MANBA: variants seen among roughly 807,000 people sequenced by gnomAD.
The protein encoded by MANBA is beta-mannosidase.
Under a neutral mutation model 111.1 loss-of-function variants are expected in MANBA, and 83 were observed. The observed-to-expected ratio is 0.75, with a 90% CI of 0.63 to 0.90. The LOEUF is 0.90. MANBA is among the 40% of genes least tolerant of loss of function. MANBA has a pLI of 0.00. For synonymous variants in MANBA, 370 were observed against 378.7 expected (o/e 0.98, Z 0.27); for missense variants, 1,036 against 1,069.0 (o/e 0.97, Z 0.43).
chr4:102,632,700 A>C (rs770519960), intron 16 of MANBA, among the ~76,000 whole-genome samples: 2 of 152,252 alleles, frequency 1.3e-5, no homozygotes, highest in Non-Finnish European at 2.9e-5. Context: ...TCCTGAAAAG[A>C]TCCAGCAATC....
chr4:102,687,680 A>G (rs1436771569), intron 7 of MANBA, among the ~76,000 whole-genome samples: 1 of 152,096 alleles, frequency 6.6e-6, no homozygotes, highest in African/African-American at 2.4e-5. Context: ...CTGCACTTCC[A>G]TGGCACTCTC....
At chr4:102,755,749 T>C (rs1304233892) in intron 1 of MANBA, among the ~76,000 whole-genome samples, 1 of 152,172 alleles carries the variant, frequency 6.6e-6, no homozygotes, top group East Asian at 1.9e-4. Context: ...TAATCCACAA[T>C]CTACAAAGAA....
intron 5 of MANBA, among the ~76,000 whole-genome samples, chr4:102,696,861 A>T (rs1380045172): frequency 6.6e-6 from 1 of 152,180 alleles, no homozygotes; most frequent in Non-Finnish European, 1.5e-5. Context: ...AAGCCATGGA[A>T]TTTATAAATT....
intron 7 of MANBA, among the ~76,000 whole-genome samples, chr4:102,680,659 G>A (rs763392411): frequency 6.6e-6 from 1 of 151,976 alleles, no homozygotes; most frequent in Non-Finnish European, 1.5e-5. Flanking sequence ...TAATTTCCAA[G>A]AGGCTGAAAT....
At chr4:102,653,220 G>GCACACACA (rs71596357) in intron 12 of MANBA, among the ~76,000 whole-genome samples, 6 of 145,510 alleles carry the variant, frequency 4.1e-5, no homozygotes, top group Non-Finnish European at 7.5e-5. Context: ...AGATCTACAT[G>GCACACACA]CACACACACA....
rs1301654392 is a variant in MANBA at position 102,723,849 on chromosome 4, A to C, written c.378+13T>G. Reference sequence around the variant, plus strand: ...CATAAATTTTTTTTAACCTAATGTCATTATATACTTACATATCTATTGAAC... The same window carrying C: ...CATAAATTTTTTTTAACCTAATGTCCTTATATACTTACATATCTATTGAAC... On this transcript the variant is annotated intron_variant, in intron 3 of 16. Transcript: ENST00000647097. 2 of 1,475,594 alleles carry C rather than the reference A, an allele frequency of 1.4e-6. No homozygotes were observed. Among genetic ancestry groups the C allele is most frequent in the Non-Finnish European group, 1.9e-6 (2 of 1,058,152 alleles). The allele number at this position is 1,475,594 out of a possible 1,614,324, so 91.4% of individuals were successfully genotyped here. A position where few individuals can be genotyped will look rare whatever the true frequency, so the allele number is the denominator to read the frequency against.
rs1732471002 is a variant in MANBA at position 102,691,477 on chromosome 4, G to A, written c.674-706C>T. On this transcript the variant is annotated intron_variant, in intron 5 of 16. Transcript: ENST00000647097. ...GACATCAGAAAGCACAGCTAATACA[G>A]AGAGGGTGAAGGAAGGCTTTCTCTC... Among the ~76,000 whole-genome samples the A allele has an allele frequency of 1.3e-5, 2 of 150,832 alleles. 1 individual carries two copies. The highest frequency in any genetic ancestry group is 4.2e-4 in the South Asian group (2 of 4,804).
At chr4:102,677,555 G>GT (rs1214043705) in intron 7 of MANBA, among the ~76,000 whole-genome samples, 1 of 152,142 alleles carries the variant, frequency 6.6e-6, no homozygotes, top group African/African-American at 2.4e-5. Context: ...GAATTTTAAT[G>GT]TAACAGAGAA....
intron 10 of MANBA, chr4:102,666,318 C>T (rs901986678): frequency 6.6e-6 from 1 of 152,218 alleles, no homozygotes; most frequent in African/African-American, 2.4e-5. Context: ...ATGCTTGCAA[C>T]CTGTGTAACT....
chr4:102,740,960 AC>A (rs1723381261), intron 1 of MANBA, among the ~76,000 whole-genome samples: 1 of 152,188 alleles, frequency 6.6e-6, no homozygotes, highest in Non-Finnish European at 1.5e-5. Context: ...GACCTAACTA[AC>A]CTAAAAAGCT....
chr4:102,692,709 A>G (rs1732537272), intron 5 of MANBA, among the ~76,000 whole-genome samples: 1 of 152,112 alleles, frequency 6.6e-6, no homozygotes, highest in Non-Finnish European at 1.5e-5. Context: ...TTAAGTTTCT[A>G]TGATTCGTGG....
chr4:102,691,128 T>C (rs1732456806), intron 5 of MANBA, among the ~76,000 whole-genome samples: 1 of 152,100 alleles, frequency 6.6e-6, no homozygotes, highest in African/African-American at 2.4e-5. Flanking sequence ...TAAGTAAAAA[T>C]ACTTTATAAA....
At chr4:102,751,879 G>A in intron 1 of MANBA, 1 of 568,076 alleles carries the variant, frequency 1.8e-6, no homozygotes, top group Non-Finnish European at 3.5e-6. Flanking sequence ...TTATTTGTGA[G>A]TGCCTCTATG....
Position 102,743,586 on chromosome 4 carries a change from G to T in MANBA, c.178-16903C>A, listed in dbSNP as rs536660996. Among the ~76,000 whole-genome samples the T allele has an allele frequency of 2.6e-4, 39 of 152,286 alleles. No individual in the cohort carries two copies. The South Asian group carries it at 8.1e-3, about 32-fold the overall frequency. On this transcript the variant is annotated intron_variant, in intron 1 of 16. Transcript: ENST00000647097. The stretch of plus-strand genomic sequence containing the variant: ...GGAGAGACGGCAGGGTGGCAGAAGT[G>T]AGCCACTTCTGCCTTTGAGCCACTT...
intron 7 of MANBA, among the ~76,000 whole-genome samples, chr4:102,675,984 A>C (rs1359177200): frequency 2.0e-5 from 3 of 152,190 alleles, no homozygotes; most frequent in Non-Finnish European, 2.9e-5. Flanking sequence ...AAAAAAAAGA[A>C]GGCTTACCTT....
chr4:102,728,202 T>C (rs1722884513), intron 1 of MANBA: 2 of 538,328 alleles, frequency 3.7e-6, no homozygotes, highest in Non-Finnish European at 7.5e-6. Context: ...TCCAGCTCCC[T>C]TGGGGCTGGA....
intron 11 of MANBA, 64 bp downstream of exon 11, chr4:102,664,621 A>C: frequency 7.0e-7 from 1 of 1,427,550 alleles, no homozygotes; most frequent in East Asian, 2.3e-5. Flanking sequence ...TACAGGCGTG[A>C]GCCACCACGC....
chr4:102,755,957 TA>T (rs1398833421), intron 1 of MANBA, among the ~76,000 whole-genome samples: 2 of 152,106 alleles, frequency 1.3e-5, no homozygotes, highest in Non-Finnish European at 2.9e-5. Flanking sequence ...TGGTGATCAT[TA>T]AAAAGTCAGT....
At position 102,697,917 on chromosome 4, in the gene MANBA, C is replaced by A. The variant is rs1447599949; in HGVS notation, c.674-7146G>T. ...CAAATGGTATTTCTAGTTCTAGATC[C>A]CTGAGGAATCGCCACACTGACTTCC... On this transcript the variant is annotated intron_variant, in intron 5 of 16. Transcript: ENST00000647097. 2.2e-4 allele frequency among the ~76,000 whole-genome samples: 33 copies of A among 151,628 alleles called. No homozygotes were observed. In the Middle Eastern group the frequency reaches 0.014, roughly 63 times the overall value.
Sources: allele counts gnomAD v4.1 joint callset (sites outside exome capture counted in the v4.1 genomes callset), GRCh38; gene constraint gnomAD v4.1.1; transcripts MANE v1.5; gene names NCBI Gene and HGNC (gene_info 2026-07-23, HGNC 2026-07-21).